The following RWDD4 variants were observed in gnomAD, a reference collection of about 807,000 sequenced individuals.
The protein encoded by RWDD4 is RWD domain containing 4.
In RWDD4, 16 loss-of-function variants were observed where a neutral mutation model predicts 30.0. That is an observed-to-expected ratio of 0.53 (90% CI 0.36 to 0.81). The LOEUF (loss-of-function observed/expected upper bound fraction) is 0.81, where lower values mean the gene tolerates loss of function less well. Ranked by LOEUF, RWDD4 falls within the 30% of genes least tolerant of loss-of-function variation. The pLI is 0.00. For synonymous variants in RWDD4, 45 were observed against 72.1 expected, an observed-to-expected ratio of 0.62 and a Z score of 1.90; for missense variants, 170 against 223.9, an observed-to-expected ratio of 0.76 and a Z score of 1.54.
intron 1 of RWDD4, 59 bp downstream of exon 1, chr4:183,658,870 G>T (rs1478833561): frequency 1.6e-6 from 2 of 1,222,944 alleles, no homozygotes; most frequent in East Asian, 6.3e-5. Flanking sequence ...GGTCTCACGG[G>T]GGCCCGGGGC....
intron 2 of RWDD4, among the ~76,000 whole-genome samples, chr4:183,653,000 A>T (rs940058526): frequency 6.6e-6 from 1 of 152,156 alleles, no homozygotes; most frequent in African/African-American, 2.4e-5. Flanking sequence ...CTGGGATTAT[A>T]GATAGGCATG....
chr4:183,654,285 G>A (rs928329397), intron 2 of RWDD4, among the ~76,000 whole-genome samples: 3 of 152,174 alleles, frequency 2.0e-5, no homozygotes, highest in African/African-American at 7.2e-5. Context: ...TTAAAGAAGA[G>A]AATGGGATGA....
intron 5 of RWDD4, among the ~76,000 whole-genome samples, chr4:183,647,233 A>G (rs1285225777): frequency 6.6e-6 from 1 of 152,228 alleles, no homozygotes; most frequent in East Asian, 1.9e-4. Flanking sequence ...GATTTCCTTT[A>G]TGCTTGATGT....
chr4:183,658,577 T>A (rs572723550), intron 1 of RWDD4, among the ~76,000 whole-genome samples: 1 of 152,166 alleles, frequency 6.6e-6, no homozygotes, highest in Non-Finnish European at 1.5e-5. Context: ...ATGACCAGAC[T>A]AAAATTTAAA....
intron 2 of RWDD4, among the ~76,000 whole-genome samples, chr4:183,655,486 A>T (rs181042737): frequency 5.3e-5 from 8 of 151,680 alleles, no homozygotes; most frequent in South Asian, 2.1e-4. Context: ...GGGTTTCACC[A>T]TGTTGGCCAG....
intron 1 of RWDD4, among the ~76,000 whole-genome samples, chr4:183,657,139 C>T (rs1206965798): frequency 6.6e-6 from 1 of 152,152 alleles, no homozygotes; most frequent in Non-Finnish European, 1.5e-5. Context: ...ACAAGATATA[C>T]CCTTCTTAGA....
At position 183,655,949 on chromosome 4, in the gene RWDD4, C is replaced by T; in HGVS notation, c.37G>A (p.Ala13Thr). ...TCTCCTTCATAAATAGAGCGTAATG[C>T]TTCTAGTTCCATCTGAAATAAAGAA... ...ANEDQEMELE[A>T]LRSIYEGDES... The change falls in exon 2 of 8, where the codon GCA becomes ACA. Residue 13 changes from alanine (A) to threonine (T), a missense_variant. By Grantham distance (58) the Ala-to-Thr change is moderately conservative (BLOSUM62 0). Transcript: ENST00000326397. The T allele has an allele frequency of 6.2e-7, 1 of 1,607,004 alleles. No individual in the cohort carries two copies. Among genetic ancestry groups the T allele is most frequent in the Non-Finnish European group, 8.5e-7 (1 of 1,175,204 alleles).
At chr4:183,647,395 G>A (rs963869124) in intron 5 of RWDD4, among the ~76,000 whole-genome samples, 15 of 152,096 alleles carry the variant, frequency 9.9e-5, no homozygotes, top group Non-Finnish European at 1.2e-4. Flanking sequence ...AGATGCTATC[G>A]GTTCTTTTCT....
chr4:183,647,255 G>A (rs1733981520), intron 5 of RWDD4, among the ~76,000 whole-genome samples: 1 of 152,120 alleles, frequency 6.6e-6, no homozygotes, highest in African/African-American at 2.4e-5. Context: ...TGCCATGCAT[G>A]TCTCCACTTT....
At chr4:183,648,643 G>A (rs1033747546) in intron 5 of RWDD4, among the ~76,000 whole-genome samples, 2 of 152,098 alleles carry the variant, frequency 1.3e-5, no homozygotes, top group Non-Finnish European at 2.9e-5. Context: ...AATGAAAACT[G>A]TATTTCAAAA....
chr4:183,651,469 G>C (rs1734075831), intron 2 of RWDD4, 142 bp from the exon 3 acceptor site: 2 of 674,536 alleles, frequency 3.0e-6, no homozygotes, highest in East Asian at 5.4e-5. Context: ...AGTGACACAG[G>C]CTAGGACTGA....
At chr4:183,648,361 T>C (rs1317168590) in intron 5 of RWDD4, among the ~76,000 whole-genome samples, 3 of 152,132 alleles carry the variant, frequency 2.0e-5, no homozygotes, top group Admixed American at 6.6e-5. Context: ...TAAGTGTAAA[T>C]GTGCAAGTAC....
At chr4:183,653,859 T>C (rs1426368891) in intron 2 of RWDD4, among the ~76,000 whole-genome samples, 2 of 152,242 alleles carry the variant, frequency 1.3e-5, no homozygotes, top group African/African-American at 4.8e-5. Context: ...GAGACAAGGC[T>C]ATTCCTGTCT....
intron 5 of RWDD4, among the ~76,000 whole-genome samples, chr4:183,647,954 C>A (rs1317297042): frequency 6.6e-6 from 1 of 152,132 alleles, no homozygotes; most frequent in Non-Finnish European, 1.5e-5. Context: ...ATTTAAAAGG[C>A]CCTCACCAGG....
At chr4:183,652,206 A>G (rs1349662664) in intron 2 of RWDD4, among the ~76,000 whole-genome samples, 1 of 152,218 alleles carries the variant, frequency 6.6e-6, no homozygotes, top group Non-Finnish European at 1.5e-5. Context: ...TACATAAACC[A>G]TATTAAAAAC....
At chr4:183,655,575 C>A (rs547532798) in intron 2 of RWDD4, among the ~76,000 whole-genome samples, 3 of 152,224 alleles carry the variant, frequency 2.0e-5, no homozygotes, top group South Asian at 4.2e-4. Context: ...AGAGCCACCG[C>A]GCCCAGCCCT....
At chr4:183,648,249 A>AAAAAAG (rs749539974) in intron 5 of RWDD4, among the ~76,000 whole-genome samples, 6,460 of 142,086 alleles carry the variant, frequency 0.045, 172 homozygotes, top group East Asian at 0.085. Context: ...AAGAAAAAAG[A>AAAAAAG]AAAAAAAAAA....
intron 2 of RWDD4, chr4:183,653,463 C>G (rs569558823): frequency 2.0e-5 from 3 of 152,046 alleles, no homozygotes; most frequent in South Asian, 2.1e-4. Flanking sequence ...GTATGAATAC[C>G]TTGTTTCTCA....
intron 5 of RWDD4, among the ~76,000 whole-genome samples, chr4:183,649,163 C>T (rs1734024048): frequency 6.6e-6 from 1 of 152,134 alleles, no homozygotes; most frequent in South Asian, 2.1e-4. Flanking sequence ...CCTGTAATCC[C>T]AGCACTTTGG....
Sources: allele counts gnomAD v4.1 joint callset (sites outside exome capture counted in the v4.1 genomes callset), GRCh38; gene constraint gnomAD v4.1.1; transcripts MANE v1.5; gene names NCBI Gene and HGNC (gene_info 2026-07-23, HGNC 2026-07-21).